Variants in WRNIP1 observed in about 807,000 individuals in gnomAD.
The protein encoded by WRNIP1 is WRN helicase interacting protein 1.
WRNIP1 carries 41 observed loss-of-function variants against 56.1 expected under a neutral mutation model. The ratio of observed to expected loss-of-function variants is 0.73; its 90% CI spans 0.57 to 0.95. WRNIP1 has a LOEUF of 0.95. Ranked by LOEUF, WRNIP1 falls within the 40% of genes least tolerant of loss-of-function variation. The pLI, the probability that WRNIP1 is intolerant of heterozygous loss-of-function variation, is 0.00. For missense variants in WRNIP1, 1,170 were observed against 939.4 expected (o/e 1.25, Z -3.21); for synonymous variants, 547 against 398.1 (o/e 1.37, Z -4.45).
chr6:2,775,133 C>G (rs1765402179), intron 3 of WRNIP1, among the ~76,000 whole-genome samples: 2 of 152,242 alleles, frequency 1.3e-5, no homozygotes, highest in African/African-American at 2.4e-5. Context: ...AGGCATGTCT[C>G]TGTCTTCTCA....
intron 6 of WRNIP1, among the ~76,000 whole-genome samples, chr6:2,784,679 C>T (rs1765666119): frequency 1.3e-5 from 2 of 152,110 alleles, no homozygotes; most frequent in African/African-American, 2.4e-5. Flanking sequence ...AGGAGCTGAA[C>T]AGCAAAGCCT....
At chr6:2,778,744 T>C (rs1765488780) in intron 3 of WRNIP1, among the ~76,000 whole-genome samples, 1 of 152,202 alleles carries the variant, frequency 6.6e-6, no homozygotes, top group Admixed American at 6.5e-5. Context: ...CCCAATTTGT[T>C]GTTTTTAAAA....
intron 3 of WRNIP1, chr6:2,774,326 A>G: frequency 1.0e-6 from 1 of 967,244 alleles, no homozygotes; most frequent in Non-Finnish European, 1.2e-6. Context: ...CAGAACACAG[A>G]GCTTTATCCT....
At chr6:2,784,678 A>G (rs1765666051) in intron 6 of WRNIP1, among the ~76,000 whole-genome samples, 1 of 152,186 alleles carries the variant, frequency 6.6e-6, no homozygotes, top group Admixed American at 6.5e-5. Flanking sequence ...AAGGAGCTGA[A>G]CAGCAAAGCC....
chr6:2,779,171 T>C (rs1765500650), intron 3 of WRNIP1, 92 bp from the exon 4 acceptor site: 1 of 1,332,916 alleles, frequency 7.5e-7, no homozygotes, highest in Non-Finnish European at 1.1e-6. Context: ...CTCTTCAGTG[T>C]CCTTGCTGAG....
chr6:2,774,261 G>A (rs1765380881), intron 3 of WRNIP1: 20 of 985,286 alleles, frequency 2.0e-5, no homozygotes, highest in Non-Finnish European at 2.3e-5. Context: ...AGATCTCATG[G>A]TCCTTGGATG....
intron 3 of WRNIP1, among the ~76,000 whole-genome samples, chr6:2,775,724 C>G (rs1225593691): frequency 6.6e-6 from 1 of 152,138 alleles, no homozygotes; most frequent in African/African-American, 2.4e-5. Flanking sequence ...AAATTAAAGC[C>G]CTTCTCATCA....
chr6:2,782,047 A>T (rs1473294609), intron 4 of WRNIP1, among the ~76,000 whole-genome samples: 1 of 152,194 alleles, frequency 6.6e-6, no homozygotes, highest in Non-Finnish European at 1.5e-5. Context: ...GGGAGTTTAA[A>T]TTTGACATAA....
At position 2,769,711 on chromosome 6, in the gene WRNIP1, G is replaced by C. The variant is rs373783455; in HGVS notation, c.1015-409G>C. ...ATAATAATAATATGATTGAGTGCTT[G>C]CTGTGGAAGAAGATTCTGGAAGTGT... On this transcript the variant is annotated intron_variant, in intron 2 of 6. Coordinates refer to ENST00000380773, the MANE Select transcript of WRNIP1 (RefSeq NM_020135.3). 2.0e-5 allele frequency among the ~76,000 whole-genome samples: 3 copies of C among 152,282 alleles called. No homozygotes were observed. The East Asian group carries it at 5.8e-4, about 29-fold the overall frequency.
chr6:2,780,593 T>G (rs866181108), intron 4 of WRNIP1, among the ~76,000 whole-genome samples: 1 of 152,342 alleles, frequency 6.6e-6, no homozygotes, highest in East Asian at 1.9e-4. Context: ...TCCCTAGTGC[T>G]CTGGAGCATG....
Position 2,783,788 on chromosome 6 carries a change from A to C in WRNIP1, c.1642+227A>C, listed in dbSNP as rs1433823104. On this transcript the variant is annotated intron_variant, in intron 5 of 6. Transcript: ENST00000380773. ...TGTGCTTTTGAATGTTTATGTTCAT[A>C]AAGTCACCATTTTCTGTTTCCTCTT... 2.0e-5 allele frequency among the ~76,000 whole-genome samples: 3 copies of C among 152,260 alleles called. No homozygotes were observed. The East Asian group carries it at 5.8e-4, about 29-fold the overall frequency.
chr6:2,766,417 C>T lies in WRNIP1; in HGVS notation c.795C>T (p.Ile265=), dbSNP rs141424762. 197 of 1,592,528 alleles carry T rather than the reference C, an allele frequency of 1.2e-4. No homozygotes were observed. Among genetic ancestry groups the T allele is most frequent in the African/African-American group, 4.0e-4 (30 of 74,700 alleles). The change falls in exon 1 of 7, where the codon ATC becomes ATT. Residue 265 remains isoleucine (I), a synonymous_variant. Coordinates refer to ENST00000380773, the MANE Select transcript of WRNIP1 (RefSeq NM_020135.3). The part of the protein sequence containing the change: ...LLETNEIPSL[I]LWGPPGCGKT... ...AGACCAACGAAATCCCCTCGCTTAT[C>T]CTGTGGGGGCCGCCGGGCTGCGGCA...
Position 2,783,360 on chromosome 6 carries a change from G to GT in WRNIP1, c.1487-46_1487-45insT, listed in dbSNP as rs1359029099. Reference sequence around the variant, plus strand: ...TGGCGGAGGTGAAGATGGCTTGGGCGCCCCTCCTGTGAGCTCTGTGTGAGT... The same window carrying GT: ...TGGCGGAGGTGAAGATGGCTTGGGCGTCCCCTCCTGTGAGCTCTGTGTGAGT... On this transcript the variant is annotated intron_variant, in intron 4 of 6. Coordinates refer to ENST00000380773, the MANE Select transcript of WRNIP1 (RefSeq NM_020135.3). The GT allele has an allele frequency of 4.0e-6, 6 of 1,487,278 alleles. No individual in the cohort carries two copies. The African/African-American group carries it at 4.3e-5, about 11-fold the overall frequency. The allele number at this position is 1,487,278 out of a possible 1,614,324, so 92.1% of individuals were successfully genotyped here. A position where few individuals can be genotyped will look rare whatever the true frequency, so the allele number is the denominator to read the frequency against.
intron 3 of WRNIP1, chr6:2,773,572 A>G (rs1239712779): frequency 1.0e-6 from 1 of 985,296 alleles, no homozygotes. Context: ...ACATGATACA[A>G]ACAGTGAAGA....
intron 3 of WRNIP1, among the ~76,000 whole-genome samples, chr6:2,776,648 A>G (rs576411001): frequency 5.3e-5 from 8 of 152,222 alleles, no homozygotes; most frequent in Admixed American, 1.3e-4. Flanking sequence ...TGATAAATCA[A>G]TGGAGTAGAC....
chr6:2,766,139 GATGGC>G lies in WRNIP1; in HGVS notation c.518_522del (p.Asp173GlyfsTer60). ...GGAGGAGGAGGCCGTGGGCGACGGCGATGGCGACGGGGACGCGGACGCGGACGGCG... is the reference window on the plus strand; with the variant it reads ...GGAGGAGGAGGCCGTGGGCGACGGCGGACGGGGACGCGGACGCGGACGGCG... On this transcript the variant is annotated frameshift_variant, in exon 1 of 7. Transcript: ENST00000380773. LOFTEE classifies it high-confidence loss of function. The G allele has an allele frequency of 8.1e-7, 1 of 1,241,046 alleles. No homozygotes were observed. Among genetic ancestry groups the G allele is most frequent in the Non-Finnish European group, 1.0e-6 (1 of 970,916 alleles). 76.9% of individuals were successfully genotyped at this position (1,241,046 alleles called of 1,614,324 possible).
rs1034584388 is a variant in WRNIP1, at chr6:2,766,280, C to T, written c.658C>T (p.Gln220Ter). ...PRALAAEEIR[Q>*]MLQGKPLADT... ...GGCGCTGGCTGCCGAGGAGATCCGA[C>T]AGATGCTACAGGGCAAGCCGCTGGC... Residue 220 changes from glutamine (Q) to a stop codon, truncating the protein, a stop_gained, in exon 1 of 7, where the codon CAG becomes TAG. Coordinates refer to ENST00000380773, the MANE Select transcript of WRNIP1 (RefSeq NM_020135.3). LOFTEE classifies it high-confidence loss of function. 2.5e-6 allele frequency: 4 copies of T among 1,588,430 alleles called. No individual in the cohort carries two copies. The highest frequency in any genetic ancestry group is 3.4e-6 in the Non-Finnish European group (4 of 1,169,174).
At position 2,785,297 on chromosome 6, in the gene WRNIP1, A is replaced by G. The variant is rs374901673; in HGVS notation, c.*15A>G. On this transcript the variant is annotated 3_prime_UTR_variant, in exon 7 of 7. Coordinates refer to ENST00000380773, the MANE Select transcript of WRNIP1 (RefSeq NM_020135.3). ...GGAGGTGCTGACTCCTCAGGGCACG[A>G]CAGCAGAAGGATGTTGCTTTTTTAA... is the stretch of plus-strand genomic sequence containing the variant. The G allele has an allele frequency of 2.5e-6, 4 of 1,607,844 alleles. No individual in the cohort carries two copies. In the African/African-American group the frequency reaches 5.4e-5, roughly 22 times the overall value.
At chr6:2,771,562 A>G (rs748574972) in intron 3 of WRNIP1, among the ~76,000 whole-genome samples, 1 of 152,182 alleles carries the variant, frequency 6.6e-6, no homozygotes, top group African/African-American at 2.4e-5. Flanking sequence ...GAGTATCCCA[A>G]ATCTGAAATC....
Sources: gnomAD v4.1 joint callset for allele counts (sites outside exome capture counted in the v4.1 genomes callset) on GRCh38, gnomAD v4.1.1 for gene constraint, MANE v1.5 for transcripts, NCBI Gene and HGNC (gene_info 2026-07-23, HGNC 2026-07-21) for gene names.